The following CNGB3 variants were observed in gnomAD, a reference collection of about 807,000 sequenced individuals.
CNGB3 encodes cyclic nucleotide-gated channel beta-3.
In CNGB3, 86 loss-of-function variants were observed where a neutral mutation model predicts 92.8. The ratio of observed to expected loss-of-function variants is 0.93; its 90% CI spans 0.78 to 1.11. The LOEUF (loss-of-function observed/expected upper bound fraction) is 1.11, where lower values mean the gene tolerates loss of function less well. CNGB3 is among the 50% of genes least tolerant of loss of function. CNGB3 has a pLI of 0.00. For synonymous variants in CNGB3, 333 were observed against 332.7 expected (o/e 1.00, Z -0.01); for missense variants, 1,026 against 956.8 (o/e 1.07, Z -0.95).
At chr8:86,621,959 T>A (rs1454565190) in intron 13 of CNGB3, among the ~76,000 whole-genome samples, 1 of 152,028 alleles carries the variant, frequency 6.6e-6, no homozygotes, top group Non-Finnish European at 1.5e-5. Flanking sequence ...GGCAGGAGAA[T>A]CGCTTGAACC....
chr8:86,619,847 C>G (rs571305888), intron 13 of CNGB3, among the ~76,000 whole-genome samples: 1 of 147,780 alleles, frequency 6.8e-6, no homozygotes, highest in South Asian at 2.1e-4. Context: ...GATACTCTTG[C>G]CTTGGCCTCC....
chr8:86,711,787 C>G (rs1295797344), intron 3 of CNGB3, among the ~76,000 whole-genome samples: 1 of 151,116 alleles, frequency 6.6e-6, no homozygotes, highest in East Asian at 1.9e-4. Flanking sequence ...ATACAAAGCA[C>G]AGATGGAGGC....
intron 15 of CNGB3, among the ~76,000 whole-genome samples, chr8:86,598,654 C>T (rs1822222635): frequency 6.6e-6 from 1 of 152,196 alleles, no homozygotes; most frequent in Non-Finnish European, 1.5e-5. Context: ...CTTCCAGCTT[C>T]TAGTGCTGCC....
chr8:86,671,478 A>C (rs962196489), intron 3 of CNGB3, among the ~76,000 whole-genome samples: 1 of 152,196 alleles, frequency 6.6e-6, no homozygotes, highest in Non-Finnish European at 1.5e-5. Context: ...GACAATAAGT[A>C]TGGTGGTTTT....
At position 86,726,853 on chromosome 8, in the gene CNGB3, A is replaced by G. The variant is rs1407198349; in HGVS notation, c.212-196T>C. ...CTGGTAGACACCTTCAGGCCAATGAAAAAATACAGTCGTGTGCTATTTAAT... is the reference window on the plus strand; with the variant it reads ...CTGGTAGACACCTTCAGGCCAATGAGAAAATACAGTCGTGTGCTATTTAAT... On this transcript the variant is annotated intron_variant, in intron 2 of 17. Coordinates refer to ENST00000320005, the MANE Select transcript of CNGB3 (RefSeq NM_019098.5). 2.6e-5 allele frequency among the ~76,000 whole-genome samples: 4 copies of G among 152,214 alleles called. No individual in the cohort carries two copies. The East Asian group carries it at 7.7e-4, about 29-fold the overall frequency.
At chr8:86,720,972 ATT>A (rs1423216016) in intron 3 of CNGB3, among the ~76,000 whole-genome samples, 1 of 150,906 alleles carries the variant, frequency 6.6e-6, no homozygotes, top group African/African-American at 2.4e-5. Context: ...AATAATAATT[ATT>A]ATTATTTTTT....
At position 86,575,635 on chromosome 8, in the gene CNGB3, C is replaced by G; in HGVS notation, c.*169G>C. On this transcript the variant is annotated 3_prime_UTR_variant, in exon 18 of 18. Coordinates refer to ENST00000320005, the MANE Select transcript of CNGB3 (RefSeq NM_019098.5). ...ATGGCTTTTAATAATCTTCTTATTA[C>G]CACTGCATGAAATCACACTCTCAGA... 1 of 563,282 alleles carries G rather than the reference C, an allele frequency of 1.8e-6. No homozygotes were observed. Among genetic ancestry groups the G allele is most frequent in the Non-Finnish European group, 3.1e-6 (1 of 321,028 alleles). The allele number at this position is 563,282 out of a possible 1,614,324, so 34.9% of individuals were successfully genotyped here.
In CNGB3 at chr8:86,685,299, C is replaced by T. The variant is rs540802657; in HGVS notation, c.339-14201G>A. ...AACCTGGAGTTCTATAACCTTGTCACTCAGAGTGGTCCACAGACCTGTCAC... is the reference window on the plus strand; with the variant it reads ...AACCTGGAGTTCTATAACCTTGTCATTCAGAGTGGTCCACAGACCTGTCAC... On this transcript the variant is annotated intron_variant, in intron 3 of 17. Transcript: ENST00000320005. 2.6e-5 allele frequency among the ~76,000 whole-genome samples: 4 copies of T among 152,220 alleles called. No individual in the cohort carries two copies. In the South Asian group the frequency reaches 8.3e-4, roughly 32 times the overall value.
chr8:86,710,768 T>A (rs1824736122), intron 3 of CNGB3, among the ~76,000 whole-genome samples: 1 of 152,144 alleles, frequency 6.6e-6, no homozygotes, highest in African/African-American at 2.4e-5. Flanking sequence ...AAAGAAACAC[T>A]TATGAAAATA....
chr8:86,649,033 A>G (rs1823347016), intron 7 of CNGB3, among the ~76,000 whole-genome samples: 1 of 151,496 alleles, frequency 6.6e-6, no homozygotes, highest in East Asian at 1.9e-4. Flanking sequence ...CCAAGCTGAG[A>G]AGCAAATCAG....
At chr8:86,709,427 C>T (rs1053822837) in intron 3 of CNGB3, among the ~76,000 whole-genome samples, 2 of 152,126 alleles carry the variant, frequency 1.3e-5, no homozygotes, top group African/African-American at 4.8e-5. Context: ...GCTCAAACAG[C>T]CCTGTTTCTG....
intron 2 of CNGB3, among the ~76,000 whole-genome samples, chr8:86,734,453 A>G (rs373485315): frequency 1.1e-3 from 170 of 152,326 alleles, no homozygotes; most frequent in African/African-American, 4.0e-3. Context: ...TGGAAAAGTA[A>G]CAGGATCACT....
At chr8:86,577,343 G>A (rs1278775397) in intron 17 of CNGB3, among the ~76,000 whole-genome samples, 1 of 152,052 alleles carries the variant, frequency 6.6e-6, no homozygotes, top group African/African-American at 2.4e-5. Context: ...AAGTTATTTT[G>A]GGCTTTAAAC....
intron 15 of CNGB3, among the ~76,000 whole-genome samples, chr8:86,598,637 C>A (rs1243980647): frequency 6.6e-6 from 1 of 152,150 alleles, no homozygotes; most frequent in African/African-American, 2.4e-5. Context: ...AAAATCTTTT[C>A]TTGCCTCTTC....
intron 6 of CNGB3, chr8:86,661,557 C>T: frequency 1.4e-6 from 1 of 720,906 alleles, no homozygotes. Context: ...CTAATTTTCT[C>T]TAATGTTGCC....
intron 7 of CNGB3, among the ~76,000 whole-genome samples, chr8:86,650,332 A>T (rs1364585646): frequency 1.3e-5 from 2 of 151,402 alleles, no homozygotes; most frequent in African/African-American, 4.8e-5. Context: ...ATATTAACAC[A>T]TTGGCACAGA....
intron 3 of CNGB3, 42 bp from the exon 4 acceptor site, chr8:86,671,140 G>T: frequency 6.2e-7 from 1 of 1,603,018 alleles, no homozygotes. Flanking sequence ...GGCCCATGAA[G>T]AAATAGATAT....
intron 13 of CNGB3, among the ~76,000 whole-genome samples, chr8:86,621,358 A>G (rs1035464078): frequency 3.9e-5 from 6 of 152,234 alleles, no homozygotes; most frequent in African/African-American, 1.2e-4. Flanking sequence ...CTTAGTACAC[A>G]CATAAATATG....
Position 86,720,061 on chromosome 8 carries a change from A to G in CNGB3, c.338+6470T>C, listed in dbSNP as rs1205014291. Among the ~76,000 whole-genome samples the G allele has an allele frequency of 2.6e-5, 4 of 152,158 alleles. 1 individual carries two copies. On this transcript the variant is annotated intron_variant, in intron 3 of 17. Transcript: ENST00000320005. The stretch of plus-strand genomic sequence containing the variant: ...TAAAAATTCTAGACAATAACATCAG[A>G]AAAACCCTTCTAGACACTGGCCTAG...
Sources: allele counts gnomAD v4.1 joint callset (sites outside exome capture counted in the v4.1 genomes callset), GRCh38; gene constraint gnomAD v4.1.1; transcripts MANE v1.5; gene names NCBI Gene and HGNC (gene_info 2026-07-23, HGNC 2026-07-21).